PDE10A: variants seen among roughly 807,000 people sequenced by gnomAD.
PDE10A encodes the protein cAMP and cAMP-inhibited cGMP 3',5'-cyclic phosphodiesterase 10A.
A neutral mutation model predicts 97.7 loss-of-function variants in PDE10A; 39 were observed. That is an observed-to-expected ratio of 0.40 (90% confidence interval 0.31 to 0.52). PDE10A has a LOEUF of 0.52. Ranked by LOEUF, PDE10A falls within the 20% of genes least tolerant of loss-of-function variation. The pLI, the probability that PDE10A is intolerant of heterozygous loss-of-function variation, is 0.56. For synonymous variants in PDE10A, 371 were observed against 376.8 expected, an observed-to-expected ratio of 0.98 and a Z score of 0.18; for missense variants, 731 against 1,047.8, an observed-to-expected ratio of 0.70 and a Z score of 4.17.
At chr6:165,433,910 G>C (rs886476411) in intron 6 of PDE10A, among the ~76,000 whole-genome samples, 1 of 151,186 alleles carries the variant, frequency 6.6e-6, no homozygotes, top group African/African-American at 2.4e-5. Flanking sequence ...CCAGCTATTC[G>C]GGAGCCTGAG....
At chr6:165,930,122 G>A (rs978664881) in intron 1 of PDE10A, among the ~76,000 whole-genome samples, 1 of 149,924 alleles carries the variant, frequency 6.7e-6, no homozygotes, top group Non-Finnish European at 1.5e-5. Flanking sequence ...TGGGAAAAGA[G>A]TGCTCCCTAA....
At chr6:165,946,910 A>T (rs534852321) in intron 1 of PDE10A, 3 of 150,742 alleles carry the variant, frequency 2.0e-5, no homozygotes, top group Non-Finnish European at 4.4e-5. Flanking sequence ...TTTTATAACC[A>T]TTTTTTTTTC....
intron 10 of PDE10A, among the ~76,000 whole-genome samples, chr6:165,424,547 A>G (rs1417019297): frequency 6.6e-6 from 1 of 152,202 alleles, no homozygotes; most frequent in Non-Finnish European, 1.5e-5. Flanking sequence ...AGGTGAACAA[A>G]TAATATGTAC....
intron 3 of PDE10A, among the ~76,000 whole-genome samples, chr6:165,475,550 A>C (rs879295247): frequency 6.6e-6 from 1 of 152,204 alleles, no homozygotes; most frequent in Non-Finnish European, 1.5e-5. Flanking sequence ...CTAAGAACTT[A>C]ATGAAAACGT....
At chr6:165,336,050 G>C in intron 21 of PDE10A, 73 bp downstream of exon 21, 2 of 1,114,408 alleles carry the variant, frequency 1.8e-6, no homozygotes. Flanking sequence ...CACACTAGTG[G>C]GGTACAAAAA....
intron 1 of PDE10A, among the ~76,000 whole-genome samples, chr6:165,885,312 T>C (rs1781598526): frequency 6.6e-6 from 1 of 152,030 alleles, no homozygotes; most frequent in Non-Finnish European, 1.5e-5. Context: ...AAAGGGGAAG[T>C]GGGCACCTTC....
intron 1 of PDE10A, among the ~76,000 whole-genome samples, chr6:165,719,193 A>G (rs1433391181): frequency 6.6e-6 from 1 of 152,218 alleles, no homozygotes; most frequent in Non-Finnish European, 1.5e-5. Flanking sequence ...AAATTATTAA[A>G]GAAGTAACAC....
chr6:165,935,102 G>A (rs1210911154), intron 1 of PDE10A, among the ~76,000 whole-genome samples: 1 of 152,150 alleles, frequency 6.6e-6, no homozygotes, highest in African/African-American at 2.4e-5. Flanking sequence ...TTGTAAACCA[G>A]CAAGTGTAAT....
intron 1 of PDE10A, among the ~76,000 whole-genome samples, chr6:165,972,839 AT>A: frequency 6.6e-6 from 1 of 152,288 alleles, no homozygotes; most frequent in African/African-American, 2.4e-5. Flanking sequence ...TCGGCCAGGG[AT>A]TTTATTACTG....
chr6:165,901,387 A>C (rs1782101092), intron 1 of PDE10A, among the ~76,000 whole-genome samples: 1 of 152,298 alleles, frequency 6.6e-6, no homozygotes, highest in South Asian at 2.1e-4. Flanking sequence ...CTCTGTTTTA[A>C]AACAGCCGGT....
At chr6:165,604,273 C>T (rs984494130) in intron 1 of PDE10A, among the ~76,000 whole-genome samples, 4 of 152,064 alleles carry the variant, frequency 2.6e-5, no homozygotes, top group Non-Finnish European at 2.9e-5. Flanking sequence ...AAGGATAATA[C>T]GGCGCCTGGC....
chr6:165,416,157 T>C (rs2128229013), intron 12 of PDE10A, 32 bp downstream of exon 12: 1 of 1,363,124 alleles, frequency 7.3e-7, no homozygotes, highest in East Asian at 2.3e-5. Context: ...ACAGAAGAAA[T>C]CAATGGAGTG....
chr6:165,343,102 T>C (rs1425040466), intron 19 of PDE10A, among the ~76,000 whole-genome samples: 1 of 152,212 alleles, frequency 6.6e-6, no homozygotes, highest in African/African-American at 2.4e-5. Flanking sequence ...ATTGAATGAA[T>C]GAACAAAAGA....
intron 2 of PDE10A, among the ~76,000 whole-genome samples, chr6:165,489,541 T>C (rs1488068149): frequency 6.6e-6 from 1 of 152,126 alleles, no homozygotes; most frequent in African/African-American, 2.4e-5. Flanking sequence ...AAAACAAGGT[T>C]CTTTAACACC....
At chr6:165,669,395 T>C (rs1028061274) in intron 1 of PDE10A, among the ~76,000 whole-genome samples, 1 of 152,218 alleles carries the variant, frequency 6.6e-6, no homozygotes, top group Admixed American at 6.5e-5. Context: ...GCTTACATGC[T>C]GCACTAATAT....
In PDE10A at chr6:165,392,850, T is replaced by C. The variant is rs549098123; in HGVS notation, c.2304-54A>G. On this transcript the variant is annotated intron_variant, in intron 15 of 21. Transcript: ENST00000539869. ...AAACCAGTAGAGAATCACTATGTTG[T>C]AGGAGAACTCCCTAGTTTAGGTACA... is the stretch of plus-strand genomic sequence containing the variant. 8 of 1,519,790 alleles carry C rather than the reference T, an allele frequency of 5.3e-6. No individual in the cohort carries two copies. The South Asian group carries it at 9.0e-5, about 17-fold the overall frequency. The allele number at this position is 1,519,790 out of a possible 1,614,324, so 94.1% of individuals were successfully genotyped here.
At chr6:165,797,020 T>C (rs1340796655) in intron 1 of PDE10A, among the ~76,000 whole-genome samples, 1 of 152,246 alleles carries the variant, frequency 6.6e-6, no homozygotes, top group East Asian at 1.9e-4. Flanking sequence ...TGGAATACTT[T>C]GAGAGTGAAT....
intron 1 of PDE10A, among the ~76,000 whole-genome samples, chr6:165,864,010 T>C (rs752283487): frequency 1.2e-4 from 18 of 152,166 alleles, no homozygotes; most frequent in Non-Finnish European, 1.8e-4. Context: ...ATCCAAAAGC[T>C]GGTAAGACTG....
At chr6:165,580,237 G>C (rs1371548456) in intron 1 of PDE10A, among the ~76,000 whole-genome samples, 2 of 152,172 alleles carry the variant, frequency 1.3e-5, no homozygotes, top group African/African-American at 4.8e-5. Flanking sequence ...AGAGAGTCAT[G>C]AGGAGGAATG....
Sources: gnomAD v4.1 joint callset for allele counts (sites outside exome capture counted in the v4.1 genomes callset) on GRCh38, gnomAD v4.1.1 for gene constraint, MANE v1.5 for transcripts, NCBI Gene and HGNC (gene_info 2026-07-23, HGNC 2026-07-21) for gene names.